The following ZFP64 variants were observed in gnomAD, a reference collection of about 807,000 sequenced individuals.
The protein encoded by ZFP64 is ZFP64 zinc finger protein.
ZFP64 carries 14 observed loss-of-function variants against 51.6 expected under a neutral mutation model. The ratio of observed to expected loss-of-function variants is 0.27; its 90% CI spans 0.18 to 0.42. The LOEUF is 0.42. Ranked by LOEUF, ZFP64 falls within the 10% of genes least tolerant of loss-of-function variation. The probability of loss-of-function intolerance (pLI) is 1.00; values close to 1 mark genes in which losing one functional copy is unlikely to be tolerated. For missense variants in ZFP64, 754 were observed against 906.8 expected, an observed-to-expected ratio of 0.83 and a Z score of 2.16; for synonymous variants, 375 against 361.4, an observed-to-expected ratio of 1.04 and a Z score of -0.43.
intron 5 of ZFP64, among the ~76,000 whole-genome samples, chr20:52,106,684 T>C (rs1978320285): frequency 6.6e-6 from 1 of 152,234 alleles, no homozygotes; most frequent in Admixed American, 6.5e-5. Context: ...ATTTGTGTAA[T>C]GCCCGGTGAA....
rs191570912 is a variant in ZFP64 at position 52,095,762 on chromosome 20, A to T, written c.976+1611T>A. Among the ~76,000 whole-genome samples the T allele has an allele frequency of 2.0e-4, 30 of 152,292 alleles. No homozygotes were observed. The East Asian group carries it at 5.2e-3, about 26-fold the overall frequency. ...GCCCCTGTACATCTCTTGGGGTCGAACCCAGCACTGTGGATGTTCCAGGCC... is the reference window on the plus strand; with the variant it reads ...GCCCCTGTACATCTCTTGGGGTCGATCCCAGCACTGTGGATGTTCCAGGCC... On this transcript the variant is annotated intron_variant, in intron 7 of 8. Coordinates refer to the ZFP64 transcript ENST00000361387.
At chr20:52,150,065 C>T (rs1024174273), downstream of ZFP64, among the ~76,000 whole-genome samples, 5 of 152,002 alleles carry the variant, frequency 3.3e-5, no homozygotes, top group South Asian at 1.0e-3. Context: ...ATTAGCCGGA[C>T]TTGGTTGCGG....
intron 7 of ZFP64, among the ~76,000 whole-genome samples, chr20:52,092,897 T>C (rs539723221): frequency 3.9e-5 from 6 of 151,952 alleles, no homozygotes; most frequent in Non-Finnish European, 7.4e-5. Flanking sequence ...TCGATAACAA[T>C]GACAAATTAT....
chr20:52,130,372 C>A (rs550041476), intron 5 of ZFP64, among the ~76,000 whole-genome samples: 4 of 152,106 alleles, frequency 2.6e-5, no homozygotes, highest in African/African-American at 9.7e-5. Context: ...TTCCACCATA[C>A]CCGACTAATC....
At chr20:52,105,096 C>T (rs754051714) in intron 5 of ZFP64, 33 of 1,394,708 alleles carry the variant, frequency 2.4e-5, no homozygotes, top group South Asian at 1.6e-4. Context: ...GCACCGGCCC[C>T]CAGCCCCCGG....
intron 1 of ZFP64, 118 bp from the exon 2 acceptor site, chr20:52,187,189 A>G (rs937070614): frequency 4.8e-5 from 52 of 1,072,604 alleles, no homozygotes; most frequent in Non-Finnish European, 6.6e-5. Flanking sequence ...GTAGTGGCCC[A>G]GTATCCACTC....
rs1315135939 is a variant in ZFP64, at chr20:52,103,678, C to T, written c.764-5091G>A. ...TAAACACCTCCCCCAAAAGACTCAG[C>T]ATCCCCAGTACCTCCCCAACTTCCC... On this transcript the variant is annotated intron_variant, in intron 5 of 8. Transcript: ENST00000361387. 2.6e-5 allele frequency among the ~76,000 whole-genome samples: 4 copies of T among 152,204 alleles called. No homozygotes were observed. The East Asian group carries it at 7.7e-4, about 29-fold the overall frequency.
intron 5 of ZFP64, among the ~76,000 whole-genome samples, chr20:52,118,081 AG>A (rs1156368442): frequency 6.6e-6 from 1 of 152,138 alleles, no homozygotes; most frequent in Non-Finnish European, 1.5e-5. Context: ...TACAGGCGTG[AG>A]GCACCATGCC....
intron 5 of ZFP64, chr20:52,110,273 G>A: frequency 5.8e-6 from 2 of 347,576 alleles, no homozygotes. Context: ...TTTCACAAAG[G>A]ACTCACAGCC....
At chr20:52,094,902 C>A (rs1159787272) in intron 7 of ZFP64, among the ~76,000 whole-genome samples, 4 of 152,100 alleles carry the variant, frequency 2.6e-5, no homozygotes, top group Non-Finnish European at 4.4e-5. Flanking sequence ...GGGGTTCTAA[C>A]CCTACAATGA....
At position 52,153,580 on chromosome 20, in the gene ZFP64, G is replaced by C; in HGVS notation, c.764-152C>G. 8.2e-7 allele frequency: 1 copy of C among 1,218,444 alleles called. No individual in the cohort carries two copies. Among genetic ancestry groups the C allele is most frequent in the Non-Finnish European group, 1.1e-6 (1 of 910,336 alleles). 75.5% of individuals were successfully genotyped at this position (1,218,444 alleles called of 1,614,324 possible). ...AGCAGCCCCTGGCAGTGGGGGAAGA[G>C]GGGCAGGGCGTCTTTATCTTTCCCC... is the stretch of plus-strand genomic sequence containing the variant. On this transcript the variant is annotated intron_variant, in intron 5 of 5. Transcript: ENST00000216923. The surrounding 1 kb of genome is among the most constrained non-coding windows in gnomAD (Gnocchi z 5.1).
chr20:52,162,382 T>C (rs2123012376), intron 4 of ZFP64, among the ~76,000 whole-genome samples: 1 of 152,120 alleles, frequency 6.6e-6, no homozygotes, highest in South Asian at 2.1e-4. Context: ...ATCCCAGCAC[T>C]TTGGGAGGCC....
intron 5 of ZFP64, among the ~76,000 whole-genome samples, chr20:52,124,867 G>C (rs1218408981): frequency 6.6e-6 from 1 of 151,942 alleles, no homozygotes; most frequent in Non-Finnish European, 1.5e-5. Context: ...GCCTCCCAAA[G>C]TGCTGGGATT....
rs1981076368 is a variant in ZFP64, at chr20:52,153,718, T to C, written c.764-290A>G. Among the ~76,000 whole-genome samples, 1 of 152,246 alleles carries C rather than the reference T, an allele frequency of 6.6e-6. No homozygotes were observed. Among genetic ancestry groups the C allele is most frequent in the Admixed American group, 6.5e-5 (1 of 15,276 alleles). ...ATTTACAAGTATACTTGTTATATTC[T>C]TTAAAACACTCAAACTATCTTTCAT... On this transcript the variant is annotated intron_variant, in intron 5 of 5. Transcript: ENST00000216923. This position sits in a 1 kb window ranked among gnomAD's most constrained non-coding sequence, Gnocchi z 5.1.
intron 5 of ZFP64, among the ~76,000 whole-genome samples, chr20:52,103,997 G>C (rs1028454404): frequency 1.3e-5 from 2 of 152,228 alleles, no homozygotes; most frequent in Non-Finnish European, 2.9e-5. Context: ...CTGGAGGGGT[G>C]AGCCGCCCCG....
intron 5 of ZFP64, among the ~76,000 whole-genome samples, chr20:52,126,291 C>T (rs1362327633): frequency 6.6e-6 from 1 of 152,118 alleles, no homozygotes; most frequent in African/African-American, 2.4e-5. Flanking sequence ...AACTGAAATT[C>T]GGGAAGTTAT....
chr20:52,111,167 G>C (rs1169545492), intron 5 of ZFP64: 7 of 655,328 alleles, frequency 1.1e-5, no homozygotes, highest in African/African-American at 9.1e-5. Context: ...TGGGGAAGCC[G>C]TAGTGGAGAA....
intron 5 of ZFP64, among the ~76,000 whole-genome samples, chr20:52,155,559 A>C (rs976154751): frequency 3.3e-5 from 5 of 152,184 alleles, no homozygotes; most frequent in African/African-American, 1.2e-4. Context: ...AGACCCAGAA[A>C]ATCCAGAAAA....
intron 5 of ZFP64, among the ~76,000 whole-genome samples, chr20:52,124,528 G>A (rs1979353629): frequency 6.6e-6 from 1 of 152,066 alleles, no homozygotes; most frequent in South Asian, 2.1e-4. Context: ...TTGTGGTATT[G>A]AGTGTTCACT....
Sources: gnomAD v4.1 joint callset for allele counts (sites outside exome capture counted in the v4.1 genomes callset) on GRCh38, gnomAD v4.1.1 for gene constraint, Gnocchi (gnomAD v3.1) non-coding constraint, MANE v1.5 for transcripts, NCBI Gene and HGNC (gene_info 2026-07-23, HGNC 2026-07-21) for gene names.